FBXO4: variants seen among roughly 807,000 people sequenced by gnomAD.
FBXO4 encodes the protein F-box only protein 4.
Under a neutral mutation model 43.7 loss-of-function variants are expected in FBXO4, and 36 were observed. The ratio of observed to expected loss-of-function variants is 0.82; its 90% confidence interval spans 0.63 to 1.09. The LOEUF is 1.09. FBXO4 is among the 50% of genes least tolerant of loss of function. FBXO4 has a pLI of 0.00. For synonymous variants in FBXO4, 180 were observed against 165.6 expected, an observed-to-expected ratio of 1.09 and a Z score of -0.67; for missense variants, 435 against 474.1, an observed-to-expected ratio of 0.92 and a Z score of 0.77.
chr5:41,992,521 A>G, the FBXO4 span, among the ~76,000 whole-genome samples: 1 of 152,230 alleles, frequency 6.6e-6, no homozygotes, highest in Non-Finnish European at 1.5e-5. Context: ...TTATAATCCC[A>G]GAGCTAACAT....
chr5:41,926,177 A>C (rs1272684932), intron 1 of FBXO4, among the ~76,000 whole-genome samples: 1 of 152,194 alleles, frequency 6.6e-6, no homozygotes, highest in Non-Finnish European at 1.5e-5. Context: ...ACCTCTCTCC[A>C]ATGTGTATAT....
the FBXO4 span, among the ~76,000 whole-genome samples, chr5:41,980,279 A>G: frequency 6.6e-6 from 1 of 152,216 alleles, no homozygotes; most frequent in Non-Finnish European, 1.5e-5. Context: ...TCTCCAGTAT[A>G]TATTCAGGAT....
the FBXO4 span, among the ~76,000 whole-genome samples, chr5:41,977,747 T>C: frequency 6.6e-6 from 1 of 152,212 alleles, no homozygotes; most frequent in Non-Finnish European, 1.5e-5. Context: ...TCGCTGTCCA[T>C]ATTTCTATCA....
the FBXO4 span, among the ~76,000 whole-genome samples, chr5:41,985,552 G>A: frequency 1.2e-4 from 19 of 152,124 alleles, no homozygotes; most frequent in African/African-American, 4.3e-4. Flanking sequence ...TTTCAGGTTT[G>A]GTGAGGTAGT....
the FBXO4 span, among the ~76,000 whole-genome samples, chr5:42,001,388 C>T: frequency 2.8e-4 from 42 of 152,298 alleles, no homozygotes; most frequent in Admixed American, 1.0e-3. Context: ...CGCCACCATG[C>T]GCAGCTCATT....
At chr5:41,929,223 G>T (rs1417124187) in intron 2 of FBXO4, among the ~76,000 whole-genome samples, 1 of 152,120 alleles carries the variant, frequency 6.6e-6, no homozygotes, top group Non-Finnish European at 1.5e-5. Flanking sequence ...TCTTTGTTCT[G>T]GGGCCTGCCC....
the FBXO4 span, among the ~76,000 whole-genome samples, chr5:41,995,033 A>G: frequency 4.9e-3 from 749 of 152,294 alleles, 2 homozygotes; most frequent in Non-Finnish European, 8.0e-3. Context: ...GCAAAGTACT[A>G]TCACCTAGTT....
At chr5:41,941,137 A>T in intron 6 of FBXO4, 55 bp from the exon 7 acceptor site, 1 of 1,412,338 alleles carries the variant, frequency 7.1e-7, no homozygotes, top group Non-Finnish European at 1.0e-6. Flanking sequence ...CCTCCTACTC[A>T]TAAGATTTTG....
chr5:41,967,067 C>T, the FBXO4 span: 4 of 259,578 alleles, frequency 1.5e-5, no homozygotes, highest in South Asian at 9.3e-5. Context: ...AAAAAAATCA[C>T]GTTTCTCTCG....
At chr5:41,955,036 A>T in the FBXO4 span, among the ~76,000 whole-genome samples, 1 of 152,186 alleles carries the variant, frequency 6.6e-6, no homozygotes, top group South Asian at 2.1e-4. Flanking sequence ...AGGTGATCAC[A>T]GGGAATGCAG....
downstream of FBXO4, among the ~76,000 whole-genome samples, chr5:41,945,731 C>A (rs1270086622): frequency 1.4e-4 from 22 of 152,164 alleles, no homozygotes; most frequent in Admixed American, 1.3e-3. Flanking sequence ...AGGGCTATAT[C>A]TCATCTTGCC....
At chr5:41,987,618 A>G in the FBXO4 span, among the ~76,000 whole-genome samples, 1 of 152,316 alleles carries the variant, frequency 6.6e-6, no homozygotes, top group South Asian at 2.1e-4. Context: ...TTTTTGCAGC[A>G]TGAATGTGTT....
At chr5:41,939,747 A>G in intron 6 of FBXO4, 131 bp downstream of exon 6, 1 of 664,150 alleles carries the variant, frequency 1.5e-6, no homozygotes, top group Non-Finnish European at 2.4e-6. Context: ...TAATCTATGG[A>G]AGCTATTTGA....
chr5:41,925,342 C>T lies in FBXO4; in HGVS notation c.33C>T (p.Asn11=). 1 of 1,366,570 alleles carries T rather than the reference C, an allele frequency of 7.3e-7. No individual in the cohort carries two copies. Among genetic ancestry groups the T allele is most frequent in the Middle Eastern group, 2.0e-4 (1 of 5,024 alleles). The allele number at this position is 1,366,570 out of a possible 1,614,324, so 84.7% of individuals were successfully genotyped here. A position where few individuals can be genotyped will look rare whatever the true frequency, so the allele number is the denominator to read the frequency against. MAGSEPRSGT[N]SPPPPFSDWG... ...GAAGCGAGCCGCGCAGCGGAACAAA[C>T]TCGCCGCCGCCGCCCTTCAGCGACT... Residue 11 remains asparagine (N), a synonymous_variant, in exon 1 of 7, where the codon AAC becomes AAT. Transcript: ENST00000281623.
chr5:41,970,174 T>C, the FBXO4 span, among the ~76,000 whole-genome samples: 1 of 152,092 alleles, frequency 6.6e-6, no homozygotes. Context: ...CAATTAGCAC[T>C]TATAGATGCC....
Position 41,941,266 on chromosome 5 carries a change from T to C in FBXO4, c.1149T>C (p.Ser383=). ...AGTGGATTCTTGAAGAAGTGGAATC[T>C]AAGCGTGCAAGATGATTCTCTTTTC... The part of the protein sequence containing the change: ...GIEWILEEVE[S]KRAR Residue 383 remains serine (S), a synonymous_variant, in exon 7 of 7, where the codon TCT becomes TCC. Transcript: ENST00000281623. 6.2e-7 allele frequency: 1 copy of C among 1,613,544 alleles called. No individual in the cohort carries two copies. The highest frequency in any genetic ancestry group is 2.2e-5 in the East Asian group (1 of 44,830).
chr5:41,990,052 A>G, the FBXO4 span, among the ~76,000 whole-genome samples: 5 of 152,152 alleles, frequency 3.3e-5, no homozygotes, highest in African/African-American at 9.7e-5. Context: ...CCTTCCTTTA[A>G]TTCGTACAAT....
chr5:41,976,191 T>G, the FBXO4 span, among the ~76,000 whole-genome samples: 1 of 152,154 alleles, frequency 6.6e-6, no homozygotes, highest in African/African-American at 2.4e-5. Flanking sequence ...AACTTGAGAT[T>G]TGGAGGGGAA....
chr5:42,015,366 A>G, the FBXO4 span, among the ~76,000 whole-genome samples: 1 of 152,178 alleles, frequency 6.6e-6, no homozygotes, highest in African/African-American at 2.4e-5. Context: ...TTCTACATGG[A>G]AGTTAATTCA....
Sources: gnomAD v4.1 joint callset for allele counts (sites outside exome capture counted in the v4.1 genomes callset) on GRCh38, gnomAD v4.1.1 for gene constraint, MANE v1.5 for transcripts, NCBI Gene and HGNC (gene_info 2026-07-23, HGNC 2026-07-21) for gene names.